NMBR: variants seen among roughly 807,000 people sequenced by gnomAD.
The protein encoded by NMBR is neuromedin B receptor.
In NMBR, 16 loss-of-function variants were observed where a neutral mutation model predicts 20.5. The observed-to-expected ratio is 0.78, with a 90% CI of 0.53 to 1.19. NMBR has a LOEUF of 1.19. Among genes scored for constraint, NMBR ranks in the 50% most tolerant of loss-of-function variants. The probability of loss-of-function intolerance (pLI) is 0.00; values close to 1 mark genes in which losing one functional copy is unlikely to be tolerated. For synonymous variants in NMBR, 212 were observed against 196.6 expected (o/e 1.08, Z -0.65); for missense variants, 582 against 499.1 (o/e 1.17, Z -1.58).
rs1317448711 is a variant in NMBR, at chr6:142,078,878, C to T, written c.448G>A (p.Asp150Asn). Reference protein sequence around the residue: ...DRYRAIVNPMDMQTSGALLRT... With the variant: ...DRYRAIVNPMNMQTSGALLRT... ...AGCAATGCCCCTGACGTCTGCATGT[C>T]CATGGGGTTAACGATGGCTCTGTAC... The change falls in exon 3 of 4, where the codon GAC (aspartate) becomes AAC (asparagine). Residue 150 changes from aspartate (D) to asparagine (N), a missense_variant. By Grantham distance (23) the Asp-to-Asn change is conservative. Transcript: ENST00000258042. The T allele has an allele frequency of 6.2e-7, 1 of 1,612,752 alleles. No individual in the cohort carries two copies. The highest frequency in any genetic ancestry group is 8.5e-7 in the Non-Finnish European group (1 of 1,179,714).
intron 1 of NMBR, among the ~76,000 whole-genome samples, chr6:142,130,918 T>C (rs1778129838): frequency 6.6e-6 from 1 of 152,152 alleles, no homozygotes. Flanking sequence ...GCCTTAATCA[T>C]GGAATGTTCC....
intron 1 of NMBR, among the ~76,000 whole-genome samples, chr6:142,121,257 C>A (rs917061224): frequency 3.3e-5 from 5 of 151,844 alleles, no homozygotes; most frequent in Non-Finnish European, 7.4e-5. Flanking sequence ...GCTCCCTATT[C>A]CCTAAGACTG....
chr6:142,106,294 T>C (rs1777660982), intron 1 of NMBR, among the ~76,000 whole-genome samples: 1 of 152,174 alleles, frequency 6.6e-6, no homozygotes, highest in Admixed American at 6.5e-5. Context: ...TGGGCTTGAT[T>C]CTGGCTTGCA....
At chr6:142,093,616 T>G (rs1458831477) in intron 1 of NMBR, among the ~76,000 whole-genome samples, 1 of 152,102 alleles carries the variant, frequency 6.6e-6, no homozygotes, top group Non-Finnish European at 1.5e-5. Context: ...TAAACATATG[T>G]GTGCATGTGT....
chr6:142,138,311 G>A (rs1044147705), intron 1 of NMBR, among the ~76,000 whole-genome samples: 1 of 152,024 alleles, frequency 6.6e-6, no homozygotes, highest in African/African-American at 2.4e-5. Flanking sequence ...CTGGATCTAA[G>A]GTTTTCATCA....
chr6:142,106,378 C>A (rs568786812), intron 1 of NMBR, among the ~76,000 whole-genome samples: 27 of 152,232 alleles, frequency 1.8e-4, no homozygotes, highest in Non-Finnish European at 2.8e-4. Context: ...ACCCCCAAAT[C>A]CCGAGGCTCT....
At chr6:142,107,395 C>T (rs1777681321) in intron 1 of NMBR, among the ~76,000 whole-genome samples, 1 of 152,172 alleles carries the variant, frequency 6.6e-6, no homozygotes, top group Non-Finnish European at 1.5e-5. Context: ...AGGCTAACAA[C>T]TGGATGTAAT....
chr6:142,091,672 G>A (rs1187557441), intron 1 of NMBR, among the ~76,000 whole-genome samples: 3 of 152,156 alleles, frequency 2.0e-5, no homozygotes, highest in Admixed American at 6.5e-5. Context: ...TAATTTGAAA[G>A]AGACCTCATG....
chr6:142,143,127 T>C (rs893975209), intron 1 of NMBR, among the ~76,000 whole-genome samples: 33 of 152,148 alleles, frequency 2.2e-4, no homozygotes, highest in African/African-American at 7.5e-4. Flanking sequence ...AATTTTTCTA[T>C]AGAGTAATAA....
chr6:142,115,256 T>G (rs977714516), intron 1 of NMBR, among the ~76,000 whole-genome samples: 1 of 152,050 alleles, frequency 6.6e-6, no homozygotes, highest in Non-Finnish European at 1.5e-5. Flanking sequence ...AAATTTAACC[T>G]AAAAAATAAA....
chr6:142,097,719 A>G (rs1777483983), intron 1 of NMBR, among the ~76,000 whole-genome samples: 1 of 152,246 alleles, frequency 6.6e-6, no homozygotes, highest in East Asian at 1.9e-4. Context: ...TCTAAAAATA[A>G]GGACAAAAAT....
rs921078916 is a variant in NMBR at position 142,115,662 on chromosome 6, G to A, written c.-663-26341C>T. Among the ~76,000 whole-genome samples, 4 of 151,812 alleles carry A rather than the reference G, an allele frequency of 2.6e-5. No homozygotes were observed. The East Asian group carries it at 7.8e-4, about 29-fold the overall frequency. ...AGAAGTGGTGGAAATGGAGAAGAGA[G>A]GTAATCTATCACTAGACATGCAAGT... On this transcript the variant is annotated intron_variant, in intron 1 of 3. Coordinates refer to ENST00000258042, the MANE Select transcript of NMBR (RefSeq NM_002511.4).
chr6:142,077,728 G>A (rs1582832983), intron 3 of NMBR, among the ~76,000 whole-genome samples: 1 of 152,118 alleles, frequency 6.6e-6, no homozygotes, highest in Non-Finnish European at 1.5e-5. Flanking sequence ...AATGATCTGC[G>A]ATTCAATTTC....
At chr6:142,124,563 G>T (rs938777194) in intron 1 of NMBR, among the ~76,000 whole-genome samples, 6 of 151,832 alleles carry the variant, frequency 4.0e-5, no homozygotes, top group African/African-American at 1.5e-4. Context: ...GCACTCTCAA[G>T]TCTTCTGTAT....
chr6:142,140,601 A>G (rs761965269), intron 1 of NMBR, among the ~76,000 whole-genome samples: 5 of 152,172 alleles, frequency 3.3e-5, no homozygotes, highest in East Asian at 1.9e-4. Flanking sequence ...TGGCACTCCA[A>G]AAACATAGAG....
chr6:142,140,293 G>A (rs906889194), intron 1 of NMBR, among the ~76,000 whole-genome samples: 1 of 152,020 alleles, frequency 6.6e-6, no homozygotes, highest in Admixed American at 6.6e-5. Context: ...AAGTGTAGAA[G>A]TATACTATTA....
At chr6:142,080,019 A>T (rs1049530148) in intron 2 of NMBR, among the ~76,000 whole-genome samples, 10 of 152,222 alleles carry the variant, frequency 6.6e-5, no homozygotes, top group Non-Finnish European at 1.5e-4. Flanking sequence ...TTCAGGTGAC[A>T]ATATACCTAG....
chr6:142,099,240 C>G (rs911693107), intron 1 of NMBR, among the ~76,000 whole-genome samples: 2 of 152,126 alleles, frequency 1.3e-5, no homozygotes. Context: ...TCTAGATGAA[C>G]TTGTGTATTC....
At chr6:142,084,865 C>T (rs766169273) in intron 2 of NMBR, among the ~76,000 whole-genome samples, 1 of 152,134 alleles carries the variant, frequency 6.6e-6, no homozygotes, top group Non-Finnish European at 1.5e-5. Flanking sequence ...ACAGCACACA[C>T]GTCCCAATAC....
Sources: gnomAD v4.1 joint callset for allele counts (sites outside exome capture counted in the v4.1 genomes callset) on GRCh38, gnomAD v4.1.1 for gene constraint, MANE v1.5 for transcripts, NCBI Gene and HGNC (gene_info 2026-07-23, HGNC 2026-07-21) for gene names.